The following NBAS variants were observed in gnomAD, a reference collection of about 807,000 sequenced individuals.
The protein encoded by NBAS is NAG/BC035112 fusion.
A neutral mutation model predicts 302.5 loss-of-function variants in NBAS; 219 were observed. The ratio of observed to expected loss-of-function variants is 0.72; its 90% CI spans 0.65 to 0.81. The LOEUF (loss-of-function observed/expected upper bound fraction) is 0.81. Ranked by LOEUF, NBAS falls within the 30% of genes least tolerant of loss-of-function variation. The probability of loss-of-function intolerance (pLI) is 0.00; values close to 1 mark genes in which losing one functional copy is unlikely to be tolerated. For missense variants in NBAS, 2,932 were observed against 2,841.6 expected, an observed-to-expected ratio of 1.03 and a Z score of -0.72; for synonymous variants, 1,118 against 1,021.6, an observed-to-expected ratio of 1.09 and a Z score of -1.80.
At chr2:14,845,864 A>C in the NBAS span, among the ~76,000 whole-genome samples, 19 of 152,218 alleles carry the variant, frequency 1.2e-4, no homozygotes, top group East Asian at 3.7e-3. Flanking sequence ...CAGTCAGAAG[A>C]GAGAAAAGAA....
At chr2:15,259,027 T>A (rs965967404) in intron 44 of NBAS, among the ~76,000 whole-genome samples, 5 of 152,222 alleles carry the variant, frequency 3.3e-5, no homozygotes, top group Non-Finnish European at 7.4e-5. Flanking sequence ...CAGCTAACAC[T>A]TAGGGAAAAT....
chr2:15,505,432 A>G (rs1328361669), intron 10 of NBAS, among the ~76,000 whole-genome samples: 2 of 152,204 alleles, frequency 1.3e-5, no homozygotes, highest in African/African-American at 2.4e-5. Flanking sequence ...TCTGAGGGAG[A>G]AAAATGGCAA....
intron 50 of NBAS, among the ~76,000 whole-genome samples, chr2:15,181,048 T>G (rs1419013900): frequency 2.0e-5 from 3 of 152,228 alleles, no homozygotes; most frequent in African/African-American, 7.2e-5. Flanking sequence ...TGGTAGTCAT[T>G]CATCGGTCTA....
At chr2:15,056,825 T>C in the NBAS span, among the ~76,000 whole-genome samples, 7 of 130,284 alleles carry the variant, frequency 5.4e-5, no homozygotes, top group African/African-American at 1.8e-4. Context: ...CCCTTTTCTT[T>C]TTTTTTTCTT....
chr2:15,484,249 A>G (rs1381131341), intron 12 of NBAS, among the ~76,000 whole-genome samples: 3 of 152,196 alleles, frequency 2.0e-5, no homozygotes, highest in Admixed American at 6.5e-5. Flanking sequence ...CTTGCTTACC[A>G]TTAATATCAT....
chr2:14,842,385 G>T, the NBAS span, among the ~76,000 whole-genome samples: 4 of 151,678 alleles, frequency 2.6e-5, no homozygotes, highest in Non-Finnish European at 5.9e-5. Context: ...ATGAAAAGTT[G>T]GTTTTTGAAA....
At chr2:15,549,313 G>T (rs1296095505) in intron 6 of NBAS, among the ~76,000 whole-genome samples, 1 of 152,004 alleles carries the variant, frequency 6.6e-6, no homozygotes, top group South Asian at 2.1e-4. Context: ...TATAAAGTGT[G>T]GATTACTAGA....
intron 22 of NBAS, among the ~76,000 whole-genome samples, chr2:15,426,694 TA>T (rs1677496493): frequency 6.6e-6 from 1 of 152,236 alleles, no homozygotes; most frequent in Non-Finnish European, 1.5e-5. Flanking sequence ...TGATAATTTT[TA>T]AAGTTTTCGT....
chr2:15,049,623 T>C, the NBAS span, among the ~76,000 whole-genome samples: 2 of 152,194 alleles, frequency 1.3e-5, no homozygotes, highest in African/African-American at 4.8e-5. Flanking sequence ...CATTTTCTTT[T>C]GGAAATGGTG....
At chr2:14,844,068 C>G in the NBAS span, among the ~76,000 whole-genome samples, 20 of 152,238 alleles carry the variant, frequency 1.3e-4, no homozygotes, top group African/African-American at 4.6e-4. Context: ...CCAGTTAGGG[C>G]AACTAAGGGA....
At chr2:15,149,485 T>C in the NBAS span, among the ~76,000 whole-genome samples, 3 of 152,212 alleles carry the variant, frequency 2.0e-5, no homozygotes, top group Non-Finnish European at 2.9e-5. Context: ...TGTTGTTTTA[T>C]TTTTCTGTTT....
intron 51 of NBAS, among the ~76,000 whole-genome samples, chr2:15,174,158 C>T (rs1240402365): frequency 6.6e-6 from 1 of 152,212 alleles, no homozygotes; most frequent in Non-Finnish European, 1.5e-5. Context: ...ATACCCACAA[C>T]TTTGAAACCT....
rs773799376 is a variant in NBAS at position 15,561,308 on chromosome 2, C to T, written c.-4G>A. ...GCCCTGACTCGGGGGCCGCCATGTT[C>T]GCCGAGGACTCAGGCAGCGGAGGAG... On this transcript the variant is annotated 5_prime_UTR_variant, in exon 1 of 52. Coordinates refer to ENST00000281513, the MANE Select transcript of NBAS (RefSeq NM_015909.4). 3 of 1,612,098 alleles carry T rather than the reference C, an allele frequency of 1.9e-6. No homozygotes were observed. Among genetic ancestry groups the T allele is most frequent in the East Asian group, 2.2e-5 (1 of 44,862 alleles).
the NBAS span, among the ~76,000 whole-genome samples, chr2:15,109,278 T>C: frequency 6.6e-6 from 1 of 152,154 alleles, no homozygotes; most frequent in Non-Finnish European, 1.5e-5. Flanking sequence ...GTTGAATCTA[T>C]GGTTAGTGTA....
intron 21 of NBAS, among the ~76,000 whole-genome samples, chr2:15,452,129 T>C (rs1305000099): frequency 1.3e-5 from 2 of 152,000 alleles, no homozygotes; most frequent in East Asian, 1.9e-4. Context: ...GATGGGGAGA[T>C]GTTTAATAGG....
At chr2:15,160,588 G>C in the NBAS span, among the ~76,000 whole-genome samples, 16 of 129,070 alleles carry the variant, frequency 1.2e-4, no homozygotes, top group African/African-American at 4.5e-4. Context: ...GTGTGGGCGG[G>C]GGGAGGGGGG....
At chr2:15,334,242 T>C (rs1054978109) in intron 35 of NBAS, among the ~76,000 whole-genome samples, 2 of 151,524 alleles carry the variant, frequency 1.3e-5, no homozygotes, top group African/African-American at 4.8e-5. Context: ...CAGGTTGGAG[T>C]GCAGTGGCAC....
rs975649737 is a variant in NBAS at position 15,488,783 on chromosome 2, G to C, written c.1083+111C>G. The C allele has an allele frequency of 6.6e-6, 9 of 1,371,838 alleles. No individual in the cohort carries two copies. The African/African-American group carries it at 1.0e-4, about 16-fold the overall frequency. 85.0% of individuals were successfully genotyped at this position (1,371,838 alleles called of 1,614,324 possible). A position where few individuals can be genotyped will look rare whatever the true frequency, so the allele number is the denominator to read the frequency against. On this transcript the variant is annotated intron_variant, in intron 12 of 51. Transcript: ENST00000281513. ...TAATTTAAAGGATAGAAGAGCTTTG[G>C]AACGATGAGAATAAACAGCTGTGTA...
chr2:15,522,310 A>G (rs10929372), intron 9 of NBAS, among the ~76,000 whole-genome samples: 93,827 of 152,004 alleles, frequency 0.62, 29,838 homozygotes, highest in Non-Finnish European at 0.68. Context: ...AGAAGAATCA[A>G]TAAGGCTTGA....
Sources: allele counts gnomAD v4.1 joint callset (sites outside exome capture counted in the v4.1 genomes callset), GRCh38; gene constraint gnomAD v4.1.1; transcripts MANE v1.5; gene names NCBI Gene and HGNC (gene_info 2026-07-23, HGNC 2026-07-21).